MGST1: variants seen among roughly 807,000 people sequenced by gnomAD.
MGST1 encodes the protein microsomal glutathione S-transferase 1.
A neutral mutation model predicts 8.9 loss-of-function variants in MGST1; 5 were observed. The observed-to-expected ratio is 0.56, with a 90% CI of 0.29 to 1.19. The LOEUF (loss-of-function observed/expected upper bound fraction) is 1.19, where lower values mean the gene tolerates loss of function less well. MGST1 is among the 50% of genes most tolerant of loss of function. MGST1 has a pLI of 0.08. For missense variants in MGST1, 182 were observed against 187.4 expected (o/e 0.97, Z 0.17); for synonymous variants, 54 against 67.8 (o/e 0.80, Z 1.00).
intron 4 of MGST1, among the ~76,000 whole-genome samples, chr12:16,495,815 C>A (rs1180020953): frequency 6.6e-6 from 1 of 151,864 alleles, no homozygotes; most frequent in Non-Finnish European, 1.5e-5. Flanking sequence ...TCTCTCTTAT[C>A]CATTATAACG....
chr12:16,407,614 A>T (rs545195166), intron 1 of MGST1, among the ~76,000 whole-genome samples: 1 of 152,216 alleles, frequency 6.6e-6, no homozygotes, highest in Non-Finnish European at 1.5e-5. Flanking sequence ...ACATGCATGC[A>T]TATGTTCACT....
chr12:16,365,734 C>T (rs1037555449), downstream of MGST1, among the ~76,000 whole-genome samples: 17 of 114,886 alleles, frequency 1.5e-4, no homozygotes, highest in East Asian at 9.2e-4. Context: ...AACATGCACG[C>T]GTGCACGCGC....
intron 1 of MGST1, among the ~76,000 whole-genome samples, chr12:16,394,513 CCTTTCTTTCTTTCTTTCTTT>C (rs766001588): frequency 0.026 from 2,197 of 84,400 alleles, 50 homozygotes; most frequent in Middle Eastern, 0.04. Flanking sequence ...TCTTTCTCTC[CCTTTCTTTCTTTCTTTCTTT>C]CTTTCTTTCT....
chr12:16,560,413 C>T lies in MGST1; in HGVS notation n.483-29115C>T. ...AGAGACCAAAAAGAGACCTGCTTAC[C>T]TCTGATTACAAAGCTGACATGCAAA... On this transcript the variant is annotated intron_variant and non_coding_transcript_variant, in intron 4 of 4. Coordinates refer to the MGST1 transcript ENST00000538857. The surrounding 1 kb of genome is among the most constrained non-coding windows in gnomAD (Gnocchi z 5.0). 1 of 1,612,948 alleles carries T rather than the reference C, an allele frequency of 6.2e-7. No individual in the cohort carries two copies. Among genetic ancestry groups the T allele is most frequent in the Non-Finnish European group, 8.5e-7 (1 of 1,179,440 alleles).
At chr12:16,467,547 A>T (rs752810203) in intron 4 of MGST1, among the ~76,000 whole-genome samples, 1 of 152,232 alleles carries the variant, frequency 6.6e-6, no homozygotes, top group Non-Finnish European at 1.5e-5. Flanking sequence ...GCCCACAGAC[A>T]TAACAGTGAG....
At position 16,501,193 on chromosome 12, in the gene MGST1, T is replaced by C. The variant is rs554775103; in HGVS notation, n.483-88335T>C. On this transcript the variant is annotated intron_variant and non_coding_transcript_variant, in intron 4 of 4. Transcript: ENST00000538857. ...GCATTTTCTTTTAACCTGAACTTCC[T>C]TGTGACATGTAAATTGACTTGTTTA... 4.6e-5 allele frequency among the ~76,000 whole-genome samples: 7 copies of C among 152,274 alleles called. No homozygotes were observed. The South Asian group carries it at 6.2e-4, about 14-fold the overall frequency.
At chr12:16,398,849 A>G (rs1940627885) in intron 1 of MGST1, among the ~76,000 whole-genome samples, 1 of 152,194 alleles carries the variant, frequency 6.6e-6, no homozygotes, top group African/African-American at 2.4e-5. Flanking sequence ...GGTCATGGCA[A>G]TAGGGTAGGT....
intron 4 of MGST1, among the ~76,000 whole-genome samples, chr12:16,527,473 C>T (rs760807426): frequency 2.0e-5 from 3 of 151,920 alleles, no homozygotes; most frequent in African/African-American, 4.8e-5. Context: ...ATAAATCACA[C>T]ATGGAATTAG....
intron 4 of MGST1, among the ~76,000 whole-genome samples, chr12:16,484,066 C>T (rs1312425898): frequency 6.6e-6 from 1 of 152,176 alleles, no homozygotes; most frequent in East Asian, 1.9e-4. Flanking sequence ...GCCCACATAT[C>T]TGCAATTAAA....
In MGST1 at chr12:16,541,966, A is replaced by T. The variant is rs368993539; in HGVS notation, n.483-47562A>T. On this transcript the variant is annotated intron_variant and non_coding_transcript_variant, in intron 4 of 4. Transcript: ENST00000538857. ...GCCCAGAGATAGCCTAGACAGTCCA[A>T]GTTCAAGTCTGTTTAAGTCCGCCCT... Among the ~76,000 whole-genome samples the T allele has an allele frequency of 5.9e-5, 9 of 152,314 alleles. No individual in the cohort carries two copies. The East Asian group carries it at 1.2e-3, about 20-fold the overall frequency.
At chr12:16,385,275 G>A (rs909212712) in intron 1 of MGST1, among the ~76,000 whole-genome samples, 2 of 152,190 alleles carry the variant, frequency 1.3e-5, no homozygotes, top group African/African-American at 2.4e-5. Flanking sequence ...AGTTTGAACT[G>A]CAATATGAAT....
chr12:16,388,940 G>A (rs1048466966), intron 1 of MGST1, among the ~76,000 whole-genome samples: 1 of 152,154 alleles, frequency 6.6e-6, no homozygotes, highest in Non-Finnish European at 1.5e-5. Context: ...CTCAGATGAA[G>A]GCCACTTTAA....
At chr12:16,466,348 A>C (rs1265486995) in intron 4 of MGST1, among the ~76,000 whole-genome samples, 2 of 152,156 alleles carry the variant, frequency 1.3e-5, no homozygotes, top group Non-Finnish European at 2.9e-5. Context: ...ATTTTTAAAT[A>C]GCTGGCGAGG....
At position 16,559,955 on chromosome 12, in the gene MGST1, G is replaced by T. The variant is rs1301782623; in HGVS notation, n.483-29573G>T. ...AGGCTGGGTGACAGAACCAGACCTT[G>T]TATTTAAAAAAGCAAAAACAAAAAC... On this transcript the variant is annotated intron_variant and non_coding_transcript_variant, in intron 4 of 4. Coordinates refer to the MGST1 transcript ENST00000538857. This position sits in a 1 kb window ranked among gnomAD's most constrained non-coding sequence, Gnocchi z 4.1. 6.6e-6 allele frequency among the ~76,000 whole-genome samples: 1 copy of T among 151,826 alleles called. No individual in the cohort carries two copies. The highest frequency in any genetic ancestry group is 2.4e-5 in the African/African-American group (1 of 41,342).
At chr12:16,433,867 T>C (rs527423487) in intron 1 of MGST1, among the ~76,000 whole-genome samples, 2 of 152,128 alleles carry the variant, frequency 1.3e-5, no homozygotes, top group African/African-American at 4.8e-5. Context: ...TTTTCTAATG[T>C]CTGCAGGGTT....
chr12:16,415,335 C>A (rs1355777604), intron 1 of MGST1, among the ~76,000 whole-genome samples: 1 of 152,176 alleles, frequency 6.6e-6, no homozygotes, highest in African/African-American at 2.4e-5. Flanking sequence ...TGAGAACCTC[C>A]TCTTATTTAC....
chr12:16,487,651 A>G (rs1941408411), intron 4 of MGST1, among the ~76,000 whole-genome samples: 1 of 152,076 alleles, frequency 6.6e-6, no homozygotes, highest in South Asian at 2.1e-4. Context: ...ATCAAGTGAT[A>G]GAGACTTTTT....
intron 4 of MGST1, among the ~76,000 whole-genome samples, chr12:16,521,891 A>T (rs1339192279): frequency 6.6e-6 from 1 of 152,112 alleles, no homozygotes; most frequent in Admixed American, 6.5e-5. Context: ...TTCCGAGAAC[A>T]CTATTGTCAA....
At chr12:16,562,862 T>G (rs1314221197) in intron 4 of MGST1, among the ~76,000 whole-genome samples, 1 of 152,232 alleles carries the variant, frequency 6.6e-6, no homozygotes, top group East Asian at 1.9e-4. Context: ...CTGCTACCAG[T>G]GTACTTTCCA....
Sources: allele counts gnomAD v4.1 joint callset (sites outside exome capture counted in the v4.1 genomes callset), GRCh38; gene constraint gnomAD v4.1.1; non-coding constraint Gnocchi (gnomAD v3.1); transcripts MANE v1.5; gene names NCBI Gene and HGNC (gene_info 2026-07-23, HGNC 2026-07-21).